Variants in NAALADL2 observed in about 807,000 individuals in gnomAD.
NAALADL2 encodes the protein N-acetylated alpha-linked acidic dipeptidase like 2, also known as inactive N-acetylated-alpha-linked acidic dipeptidase-like protein 2.
In NAALADL2, 76 loss-of-function variants were observed where a neutral mutation model predicts 87.2. The observed-to-expected ratio is 0.87, with a 90% CI of 0.72 to 1.05. NAALADL2 has a LOEUF of 1.05. Among genes scored for constraint, NAALADL2 ranks in the 50% least tolerant of loss-of-function variants. The pLI is 0.00. For missense variants in NAALADL2, 1,089 were observed against 945.8 expected (o/e 1.15, Z -1.99); for synonymous variants, 354 against 331.0 (o/e 1.07, Z -0.75).
chr3:174,974,237 G>A (rs1429252197), intron 1 of NAALADL2, among the ~76,000 whole-genome samples: 2 of 152,118 alleles, frequency 1.3e-5, no homozygotes, highest in Admixed American at 6.6e-5. Flanking sequence ...AAAACTGTCC[G>A]GTTAAACTCG....
intron 13 of NAALADL2, among the ~76,000 whole-genome samples, chr3:175,780,879 ATAT>A (rs977179472): frequency 3.2e-4 from 49 of 152,204 alleles, no homozygotes; most frequent in African/African-American, 1.2e-3. Flanking sequence ...AAGGATTAAA[ATAT>A]TATTTTTGTG....
intron 3 of NAALADL2, among the ~76,000 whole-genome samples, chr3:174,834,345 C>T (rs1261880396): frequency 6.8e-6 from 1 of 146,172 alleles, no homozygotes; most frequent in Non-Finnish European, 1.5e-5. Flanking sequence ...CTAGAGTAAA[C>T]ATCATACCTA....
At chr3:175,728,955 A>C (rs1186987436) in intron 11 of NAALADL2, among the ~76,000 whole-genome samples, 1 of 152,104 alleles carries the variant, frequency 6.6e-6, no homozygotes, top group Non-Finnish European at 1.5e-5. Flanking sequence ...GCTTTTTTCT[A>C]CCCCAGATTG....
At chr3:174,808,772 T>C (rs1304908490) in intron 3 of NAALADL2, among the ~76,000 whole-genome samples, 1 of 151,970 alleles carries the variant, frequency 6.6e-6, no homozygotes, top group Non-Finnish European at 1.5e-5. Flanking sequence ...TTTCCAAAAT[T>C]ATATTTATCC....
At chr3:174,994,929 A>C (rs564331439) in intron 1 of NAALADL2, among the ~76,000 whole-genome samples, 2 of 152,286 alleles carry the variant, frequency 1.3e-5, no homozygotes, top group South Asian at 2.1e-4. Flanking sequence ...TGTCAATGGT[A>C]AGCACGATAT....
intron 9 of NAALADL2, among the ~76,000 whole-genome samples, chr3:175,519,469 C>G (rs1732327348): frequency 6.6e-6 from 1 of 152,106 alleles, no homozygotes; most frequent in Admixed American, 6.5e-5. Flanking sequence ...TCATTCAAAC[C>G]ATAGCATGCA....
chr3:175,226,039 T>C (rs1308238761), intron 2 of NAALADL2, among the ~76,000 whole-genome samples: 1 of 152,140 alleles, frequency 6.6e-6, no homozygotes, highest in East Asian at 1.9e-4. Context: ...CATAAATTGA[T>C]ATAAATACCA....
chr3:175,575,713 T>A (rs1718774380), intron 9 of NAALADL2, among the ~76,000 whole-genome samples: 4 of 152,256 alleles, frequency 2.6e-5, no homozygotes, highest in Admixed American at 2.6e-4. Context: ...CAACATTCTT[T>A]TTTAAATATC....
At chr3:175,014,721 C>A (rs1198245134) in intron 1 of NAALADL2, among the ~76,000 whole-genome samples, 2 of 152,056 alleles carry the variant, frequency 1.3e-5, no homozygotes, top group Admixed American at 1.3e-4. Context: ...TACAGGATTA[C>A]AAAATTATTT....
chr3:175,370,729 G>T (rs778057161), intron 5 of NAALADL2, among the ~76,000 whole-genome samples: 3 of 152,102 alleles, frequency 2.0e-5, no homozygotes, highest in Non-Finnish European at 4.4e-5. Flanking sequence ...ACATTCGATG[G>T]TTCTGTGATA....
intron 1 of NAALADL2, among the ~76,000 whole-genome samples, chr3:174,861,326 T>C (rs1178394927): frequency 6.6e-6 from 1 of 151,520 alleles, no homozygotes; most frequent in Non-Finnish European, 1.5e-5. Context: ...GTTTCGTTTC[T>C]GGATTTCTTT....
intron 1 of NAALADL2, among the ~76,000 whole-genome samples, chr3:174,446,990 T>G (rs1715105905): frequency 6.6e-6 from 1 of 152,090 alleles, no homozygotes; most frequent in Non-Finnish European, 1.5e-5. Flanking sequence ...TTGGAAAACT[T>G]TAAAAATAAT....
intron 9 of NAALADL2, among the ~76,000 whole-genome samples, chr3:175,484,401 AATT>A (rs1348618811): frequency 1.3e-5 from 2 of 152,120 alleles, no homozygotes; most frequent in African/African-American, 2.4e-5. Context: ...ATCATTATAA[AATT>A]GCTGTCAACA....
intron 9 of NAALADL2, among the ~76,000 whole-genome samples, chr3:175,508,071 C>CA (rs1730602665): frequency 6.6e-6 from 1 of 152,146 alleles, no homozygotes; most frequent in African/African-American, 2.4e-5. Context: ...CATCACATGA[C>CA]AAAGGCAGGA....
chr3:174,893,383 C>T (rs545193551), intron 1 of NAALADL2, among the ~76,000 whole-genome samples: 18 of 150,396 alleles, frequency 1.2e-4, no homozygotes, highest in South Asian at 4.2e-4. Context: ...ATAGTAAGTA[C>T]GCAGCAAAAC....
intron 3 of NAALADL2, among the ~76,000 whole-genome samples, chr3:174,825,236 ATTCAGTTTGCATC>A (rs1348735846): frequency 6.6e-6 from 1 of 152,256 alleles, no homozygotes; most frequent in African/African-American, 2.4e-5. Flanking sequence ...TGGCAGTATA[ATTCAGTTTGCATC>A]TTAAGGCCTG....
chr3:175,459,675 A>C (rs1424776630), intron 6 of NAALADL2, among the ~76,000 whole-genome samples: 1 of 152,164 alleles, frequency 6.6e-6, no homozygotes, highest in African/African-American at 2.4e-5. Context: ...CTACACTAGG[A>C]GGAGACAATC....
intron 1 of NAALADL2, among the ~76,000 whole-genome samples, chr3:174,949,880 A>G (rs1172381345): frequency 6.6e-6 from 1 of 152,180 alleles, no homozygotes; most frequent in African/African-American, 2.4e-5. Context: ...TGAGATAACT[A>G]TCCATTCCCA....
intron 2 of NAALADL2, among the ~76,000 whole-genome samples, chr3:174,698,967 G>GTATA (rs139364042): frequency 0.057 from 7,992 of 139,702 alleles, 469 homozygotes; most frequent in East Asian, 0.29. Context: ...GTGTGTGCGT[G>GTATA]TATATATATA....
Sources: gnomAD v4.1 joint callset for allele counts (sites outside exome capture counted in the v4.1 genomes callset) on GRCh38, gnomAD v4.1.1 for gene constraint, MANE v1.5 for transcripts, NCBI Gene and HGNC (gene_info 2026-07-23, HGNC 2026-07-21) for gene names.